The following MAD1L1 variants were observed in gnomAD, a reference collection of about 807,000 sequenced individuals.
The protein encoded by MAD1L1 is mitotic arrest deficient 1 like 1.
In MAD1L1, 95 loss-of-function variants were observed where a neutral mutation model predicts 96.9. The observed-to-expected ratio is 0.98, with a 90% CI of 0.83 to 1.16. MAD1L1 has a LOEUF of 1.16. MAD1L1 is among the 50% of genes most tolerant of loss of function. MAD1L1 has a pLI of 0.00. For synonymous variants in MAD1L1, 473 were observed against 396.6 expected, an observed-to-expected ratio of 1.19 and a Z score of -2.29; for missense variants, 1,007 against 954.4, an observed-to-expected ratio of 1.06 and a Z score of -0.73.
chr7:2,053,544 G>C (rs1389094601), intron 12 of MAD1L1, among the ~76,000 whole-genome samples: 1 of 152,346 alleles, frequency 6.6e-6, no homozygotes, highest in African/African-American at 2.4e-5. Context: ...GCTGTGTGAA[G>C]GCCCCAAGGC....
chr7:2,207,400 G>A (rs1792655398), intron 10 of MAD1L1, among the ~76,000 whole-genome samples: 1 of 152,164 alleles, frequency 6.6e-6, no homozygotes, highest in South Asian at 2.1e-4. Context: ...TTAGAGGGTT[G>A]GGACTTTGAG....
Position 2,097,652 on chromosome 7 carries a change from C to T in MAD1L1, c.1074-28314G>A, listed in dbSNP as rs576063457. 2.3e-3 allele frequency among the ~76,000 whole-genome samples: 350 copies of T among 152,358 alleles called. 2 individuals carry two copies. The highest frequency in any genetic ancestry group is 7.8e-3 in the African/African-American group (324 of 41,586). ...ACCCACAGCCACAGCCGGCCATCCA[C>T]GGGCACCAGGCCTCTGGAGGTGCAG... On this transcript the variant is annotated intron_variant, in intron 11 of 18. Transcript: ENST00000265854.
chr7:2,141,609 A>T (rs1397925203), intron 11 of MAD1L1, among the ~76,000 whole-genome samples: 1 of 152,140 alleles, frequency 6.6e-6, no homozygotes, highest in Non-Finnish European at 1.5e-5. Context: ...TCACCCAGAC[A>T]TCTCCATGCC....
intron 10 of MAD1L1, among the ~76,000 whole-genome samples, chr7:2,171,604 G>A (rs59389604): frequency 6.6e-6 from 1 of 151,686 alleles, no homozygotes; most frequent in Non-Finnish European, 1.5e-5. Context: ...GGCCACGTAT[G>A]GGTCACCTCC....
chr7:2,066,188 G>C (rs1374221673), intron 12 of MAD1L1, among the ~76,000 whole-genome samples: 1 of 152,242 alleles, frequency 6.6e-6, no homozygotes, highest in Non-Finnish European at 1.5e-5. Flanking sequence ...ATGGGAAGCA[G>C]AGGCCCAGAG....
intron 10 of MAD1L1, among the ~76,000 whole-genome samples, chr7:2,196,565 C>T (rs183988829): frequency 6.6e-6 from 1 of 152,336 alleles, no homozygotes; most frequent in Non-Finnish European, 1.5e-5. Context: ...CTCGTCACAG[C>T]GTCGCCAGAG....
intron 18 of MAD1L1, among the ~76,000 whole-genome samples, chr7:1,830,107 T>G (rs966220519): frequency 6.6e-6 from 1 of 152,162 alleles, no homozygotes; most frequent in Non-Finnish European, 1.5e-5. Flanking sequence ...AACAGGGGCT[T>G]ACACAACAGG....
chr7:2,122,769 G>T (rs554007476), intron 11 of MAD1L1, among the ~76,000 whole-genome samples: 5 of 152,196 alleles, frequency 3.3e-5, no homozygotes, highest in African/African-American at 1.2e-4. Flanking sequence ...GCAGGTGCAC[G>T]GGTGAAGGGT....
At chr7:2,095,529 G>A (rs544746752) in intron 11 of MAD1L1, among the ~76,000 whole-genome samples, 7 of 152,334 alleles carry the variant, frequency 4.6e-5, no homozygotes, top group South Asian at 4.1e-4. Context: ...CTGAAGCCGC[G>A]GTCGCTGTTA....
At chr7:1,888,853 G>A (rs1583668585) in intron 18 of MAD1L1, among the ~76,000 whole-genome samples, 1 of 152,350 alleles carries the variant, frequency 6.6e-6, no homozygotes, top group Non-Finnish European at 1.5e-5. Context: ...GTCAGTGGGA[G>A]CGTGCATGAT....
intron 12 of MAD1L1, among the ~76,000 whole-genome samples, chr7:2,030,284 T>C (rs559908385): frequency 1.3e-5 from 2 of 152,294 alleles, no homozygotes; most frequent in South Asian, 2.1e-4. Flanking sequence ...TCACAAAGTT[T>C]TCAGAGTCAT....
chr7:2,038,799 C>A (rs1162912156), intron 12 of MAD1L1, among the ~76,000 whole-genome samples: 4 of 152,042 alleles, frequency 2.6e-5, no homozygotes, highest in Non-Finnish European at 5.9e-5. Flanking sequence ...TTCCATGCAT[C>A]AGCTACTGTG....
At chr7:1,962,056 G>C (rs971702987) in intron 15 of MAD1L1, among the ~76,000 whole-genome samples, 1 of 141,710 alleles carries the variant, frequency 7.1e-6, no homozygotes, top group Non-Finnish European at 1.5e-5. Context: ...CCCCCATACC[G>C]TTCTCACGTG....
intron 18 of MAD1L1, among the ~76,000 whole-genome samples, chr7:1,894,782 G>A (rs56065705): frequency 6.6e-6 from 1 of 152,090 alleles, no homozygotes; most frequent in Non-Finnish European, 1.5e-5. Flanking sequence ...GTCTGGAGGA[G>A]GAGTGGGAGA....
intron 15 of MAD1L1, 131 bp downstream of exon 15, chr7:1,980,322 T>A: frequency 1.4e-6 from 1 of 729,030 alleles, no homozygotes; most frequent in Non-Finnish European, 2.3e-6. Flanking sequence ...CACCTGGGCG[T>A]ATCCGCCTCC....
At chr7:1,887,345 G>A (rs911187821) in intron 18 of MAD1L1, among the ~76,000 whole-genome samples, 15 of 151,850 alleles carry the variant, frequency 9.9e-5, no homozygotes, top group African/African-American at 1.7e-4. Context: ...GCCTGTGTAC[G>A]TGTGAGCATG....
At chr7:1,940,700 G>A (rs1778911578) in intron 16 of MAD1L1, among the ~76,000 whole-genome samples, 1 of 152,216 alleles carries the variant, frequency 6.6e-6, no homozygotes, top group Admixed American at 6.5e-5. Flanking sequence ...GGCCAGCATG[G>A]GCCCCGCTGA....
At chr7:2,191,533 C>T (rs1307616913) in intron 10 of MAD1L1, among the ~76,000 whole-genome samples, 3 of 152,004 alleles carry the variant, frequency 2.0e-5, no homozygotes, top group Admixed American at 6.5e-5. Context: ...GAGTTCGAGA[C>T]CAGTCTGGCC....
At chr7:1,861,467 G>A (rs564290213) in intron 18 of MAD1L1, among the ~76,000 whole-genome samples, 1 of 108,040 alleles carries the variant, frequency 9.3e-6, no homozygotes, top group African/African-American at 3.5e-5. Flanking sequence ...ACACTGCTCC[G>A]CCTGCCCCCT....
Sources: allele counts gnomAD v4.1 joint callset (sites outside exome capture counted in the v4.1 genomes callset), GRCh38; gene constraint gnomAD v4.1.1; transcripts MANE v1.5; gene names NCBI Gene and HGNC (gene_info 2026-07-23, HGNC 2026-07-21).